The following CSMD1 variants were observed in gnomAD, a reference collection of about 807,000 sequenced individuals.
CSMD1 encodes the protein CUB and sushi domain-containing protein 1.
A neutral mutation model predicts 417.5 loss-of-function variants in CSMD1; 213 were observed. That is an observed-to-expected ratio of 0.51 (90% CI 0.46 to 0.57). The LOEUF (loss-of-function observed/expected upper bound fraction) is 0.57, where lower values mean the gene tolerates loss of function less well. Among genes scored for constraint, CSMD1 ranks in the 20% least tolerant of loss-of-function variants. The pLI is 0.00. For synonymous variants in CSMD1, 2,862 were observed against 1,736.8 expected, an observed-to-expected ratio of 1.65 and a Z score of -16.11; for missense variants, 6,923 against 4,529.7, an observed-to-expected ratio of 1.53 and a Z score of -15.17.
Position 3,005,040 on chromosome 8 carries a change from G to C in CSMD1, c.8030-4909C>G, listed in dbSNP as rs369880699. Among the ~76,000 whole-genome samples, 3 of 152,210 alleles carry C rather than the reference G, an allele frequency of 2.0e-5. No homozygotes were observed. In the East Asian group the frequency reaches 5.8e-4, roughly 29 times the overall value. ...TGTAGTCCCAGCTGCTCGGGAGGCT[G>C]AGGCAGAGGAATTGCTTGAACCCGG... On this transcript the variant is annotated intron_variant, in intron 52 of 69. Transcript: ENST00000635120.
chr8:3,969,523 G>T (rs1372119266), intron 5 of CSMD1, among the ~76,000 whole-genome samples: 1 of 152,046 alleles, frequency 6.6e-6, no homozygotes, highest in Non-Finnish European at 1.5e-5. Flanking sequence ...ATTTAACTTG[G>T]TGAAATCTCT....
rs191699986 is a variant in CSMD1, at chr8:4,656,632, A to T, written c.86-19074T>A. 1.3e-4 allele frequency among the ~76,000 whole-genome samples: 19 copies of T among 151,584 alleles called. No homozygotes were observed. In the East Asian group the frequency reaches 3.3e-3, roughly 26 times the overall value. On this transcript the variant is annotated intron_variant, in intron 1 of 69. Transcript: ENST00000635120. ...GTTCAAACCAACAAAGGTGGTGACT[A>T]ATTTTAGTTTCAAAGTTCTCTGAGA...
chr8:4,564,319 A>G (rs1180716972), intron 2 of CSMD1, among the ~76,000 whole-genome samples: 1 of 152,206 alleles, frequency 6.6e-6, no homozygotes, highest in Admixed American at 6.5e-5. Context: ...AACATTTTAT[A>G]TATTTTATTT....
chr8:3,901,195 C>T (rs1319501981), intron 5 of CSMD1, among the ~76,000 whole-genome samples: 1 of 151,990 alleles, frequency 6.6e-6, no homozygotes, highest in African/African-American at 2.4e-5. Flanking sequence ...ATTTATTGAT[C>T]ATTCTTCCTG....
At chr8:4,209,140 T>G (rs1297997644) in intron 3 of CSMD1, among the ~76,000 whole-genome samples, 1 of 152,210 alleles carries the variant, frequency 6.6e-6, no homozygotes, top group Non-Finnish European at 1.5e-5. Context: ...GATTTCTATC[T>G]AAAACCAAAA....
At chr8:4,467,877 G>A (rs1343090697) in intron 2 of CSMD1, among the ~76,000 whole-genome samples, 2 of 152,152 alleles carry the variant, frequency 1.3e-5, no homozygotes, top group East Asian at 1.9e-4. Flanking sequence ...CAAAAAAACA[G>A]AATCATCTAG....
At chr8:3,271,585 C>T (rs1435256054) in intron 26 of CSMD1, among the ~76,000 whole-genome samples, 1 of 151,976 alleles carries the variant, frequency 6.6e-6, no homozygotes, top group East Asian at 1.9e-4. Flanking sequence ...TCCTCTCCAG[C>T]ACCTGTTGTT....
At chr8:4,334,851 T>C (rs1190684875) in intron 3 of CSMD1, among the ~76,000 whole-genome samples, 1 of 152,140 alleles carries the variant, frequency 6.6e-6, no homozygotes, top group Non-Finnish European at 1.5e-5. Context: ...TTATTTCTCA[T>C]TGATCTGGAG....
At chr8:3,895,431 A>C (rs1485927795) in intron 5 of CSMD1, among the ~76,000 whole-genome samples, 1 of 152,166 alleles carries the variant, frequency 6.6e-6, no homozygotes, top group Non-Finnish European at 1.5e-5. Context: ...TTAACACAAC[A>C]GTGTCAATCC....
chr8:3,644,234 G>T (rs886538625), intron 7 of CSMD1, among the ~76,000 whole-genome samples: 1 of 152,206 alleles, frequency 6.6e-6, no homozygotes, highest in Non-Finnish European at 1.5e-5. Context: ...TCCCCAGGTC[G>T]TTGAGGTGAC....
intron 1 of CSMD1, among the ~76,000 whole-genome samples, chr8:4,694,112 G>A (rs1217644119): frequency 1.3e-5 from 2 of 152,058 alleles, no homozygotes; most frequent in African/African-American, 2.4e-5. Context: ...AAATTGCTAC[G>A]TACCTCCCTC....
At chr8:4,811,365 G>A (rs1798894867) in intron 1 of CSMD1, among the ~76,000 whole-genome samples, 1 of 151,946 alleles carries the variant, frequency 6.6e-6, no homozygotes, top group South Asian at 2.1e-4. Flanking sequence ...TTGGCCCCCT[G>A]TATTTTTAAC....
At chr8:3,409,639 A>AAC (rs1554542398) in intron 12 of CSMD1, 34 bp from the exon 13 acceptor site, 1 of 1,487,484 alleles carries the variant, frequency 6.7e-7, no homozygotes, top group Admixed American at 2.1e-5. Context: ...CCCTTAAAAA[A>AAC]ACACACACAA....
chr8:4,177,720 A>T (rs550872292), intron 3 of CSMD1, among the ~76,000 whole-genome samples: 1 of 150,196 alleles, frequency 6.7e-6, no homozygotes, highest in East Asian at 2.0e-4. Flanking sequence ...AGAATCAAAT[A>T]GATGCAATAA....
At chr8:4,424,995 C>T (rs1797463179) in intron 2 of CSMD1, among the ~76,000 whole-genome samples, 2 of 152,034 alleles carry the variant, frequency 1.3e-5, no homozygotes, top group South Asian at 4.2e-4. Flanking sequence ...CAAAATAATG[C>T]TATTTAATAA....
At chr8:3,510,124 A>C (rs1797001897) in intron 10 of CSMD1, among the ~76,000 whole-genome samples, 1 of 149,454 alleles carries the variant, frequency 6.7e-6, no homozygotes, top group Admixed American at 6.6e-5. Flanking sequence ...TAAGGACATG[A>C]ATTGACAGAG....
At chr8:4,605,289 A>G (rs1215805503) in intron 2 of CSMD1, among the ~76,000 whole-genome samples, 1 of 152,142 alleles carries the variant, frequency 6.6e-6, no homozygotes, top group Non-Finnish European at 1.5e-5. Context: ...GAAGAAGAAG[A>G]AGAAGAAGAA....
chr8:3,159,383 G>C (rs1585512681), intron 38 of CSMD1, among the ~76,000 whole-genome samples: 1 of 152,230 alleles, frequency 6.6e-6, no homozygotes, highest in East Asian at 1.9e-4. Flanking sequence ...TGTTTAAAAA[G>C]ACCATTAAAA....
chr8:4,352,131 G>C (rs73506686), intron 3 of CSMD1, among the ~76,000 whole-genome samples: 4,925 of 152,200 alleles, frequency 0.032, 258 homozygotes, highest in African/African-American at 0.11. Context: ...GGACTGGCCT[G>C]TGGCCCCAAC....
Sources: gnomAD v4.1 joint callset for allele counts (sites outside exome capture counted in the v4.1 genomes callset) on GRCh38, gnomAD v4.1.1 for gene constraint, MANE v1.5 for transcripts, NCBI Gene and HGNC (gene_info 2026-07-23, HGNC 2026-07-21) for gene names.